XPNPEP3: variants seen among roughly 807,000 people sequenced by gnomAD.
The protein encoded by XPNPEP3 is xaa-Pro aminopeptidase 3.
In XPNPEP3, 41 loss-of-function variants were observed where a neutral mutation model predicts 60.0. The ratio of observed to expected loss-of-function variants is 0.68; its 90% CI spans 0.53 to 0.89. The LOEUF (loss-of-function observed/expected upper bound fraction) is 0.89, where lower values mean the gene tolerates loss of function less well. Ranked by LOEUF, XPNPEP3 falls within the 40% of genes least tolerant of loss-of-function variation. The probability of loss-of-function intolerance (pLI) is 0.00; values close to 1 mark genes in which losing one functional copy is unlikely to be tolerated. For missense variants in XPNPEP3, 598 were observed against 638.9 expected (o/e 0.94, Z 0.69); for synonymous variants, 212 against 223.2 (o/e 0.95, Z 0.45).
rs114929234 is a variant in XPNPEP3 at position 40,922,669 on chromosome 22, T to C, written c.1236+156T>C. The stretch of plus-strand genomic sequence containing the variant: ...AGGAGGCTGAGGCAGGAGGATTGCT[T>C]GAAGCCAGCCTGGGCAACATAGCAA... On this transcript the variant is annotated intron_variant, in intron 8 of 9. Coordinates refer to ENST00000357137, the MANE Select transcript of XPNPEP3 (RefSeq NM_022098.4). Among the ~76,000 whole-genome samples the C allele has an allele frequency of 9.0e-3, 1,362 of 151,948 alleles. 21 individuals are homozygous for C. The highest frequency in any genetic ancestry group is 0.032 in the African/African-American group (1,307 of 41,422).
chr22:40,902,119 C>T, intron 4 of XPNPEP3, among the ~76,000 whole-genome samples: 1 of 145,180 alleles, frequency 6.9e-6, no homozygotes, highest in Non-Finnish European at 1.5e-5. Flanking sequence ...GTCGCCCAGG[C>T]TGGAGTGTGG....
intron 4 of XPNPEP3, among the ~76,000 whole-genome samples, chr22:40,894,252 AAG>A (rs1393704595): frequency 1.3e-5 from 2 of 152,146 alleles, no homozygotes; most frequent in Non-Finnish European, 2.9e-5. Context: ...AGTTAAAGCA[AAG>A]AGAGAATATT....
intron 1 of XPNPEP3, among the ~76,000 whole-genome samples, chr22:40,859,025 C>G (rs1034237496): frequency 1.3e-5 from 2 of 151,986 alleles, no homozygotes; most frequent in Admixed American, 6.6e-5. Flanking sequence ...CAAAGTGTTG[C>G]GATTATAAGT....
chr22:40,916,303 A>T (rs1394544653), intron 7 of XPNPEP3, among the ~76,000 whole-genome samples: 1 of 152,082 alleles, frequency 6.6e-6, no homozygotes, highest in African/African-American at 2.4e-5. Context: ...AACAAAGGAA[A>T]AAAAAAAAGA....
At chr22:40,884,888 C>G (rs907455968) in intron 3 of XPNPEP3, among the ~76,000 whole-genome samples, 1 of 151,422 alleles carries the variant, frequency 6.6e-6, no homozygotes, top group South Asian at 2.1e-4. Context: ...ATTAGCTGGA[C>G]GTGGTGGCAT....
chr22:40,925,165 C>T (rs1455907892), intron 9 of XPNPEP3, among the ~76,000 whole-genome samples: 1 of 152,184 alleles, frequency 6.6e-6, no homozygotes, highest in Non-Finnish European at 1.5e-5. Flanking sequence ...CTGCAAGCTG[C>T]ATTGAGCTAC....
chr22:40,919,791 G>A (rs535684743), intron 7 of XPNPEP3, among the ~76,000 whole-genome samples: 1 of 152,240 alleles, frequency 6.6e-6, no homozygotes, highest in Admixed American at 6.5e-5. Context: ...GAATGAATAT[G>A]CAAATTGTGG....
chr22:40,859,392 G>T (rs2057927413), intron 1 of XPNPEP3, among the ~76,000 whole-genome samples: 1 of 152,136 alleles, frequency 6.6e-6, no homozygotes, highest in Admixed American at 6.5e-5. Context: ...TAAGAGTGAA[G>T]AAATGGACTA....
intron 4 of XPNPEP3, among the ~76,000 whole-genome samples, chr22:40,899,010 C>T (rs1225646182): frequency 2.0e-5 from 3 of 152,170 alleles, no homozygotes; most frequent in Non-Finnish European, 4.4e-5. Flanking sequence ...ACCTTTCTCA[C>T]TCAGCAATAT....
At chr22:40,920,376 A>G (rs1428604756) in intron 7 of XPNPEP3, among the ~76,000 whole-genome samples, 1 of 152,134 alleles carries the variant, frequency 6.6e-6, no homozygotes, top group Non-Finnish European at 1.5e-5. Context: ...TCTCAAAAAA[A>G]GAAAAAAAGA....
rs1228715747 is a variant in XPNPEP3 at position 40,928,746 on chromosome 22, G to C, written c.*2311G>C. Reference sequence around the variant, plus strand: ...TTCTTAAAAAAACAATTTGTATTAGGGAAGCACAAGCTAGGGGATTAACAA... The same window carrying C: ...TTCTTAAAAAAACAATTTGTATTAGCGAAGCACAAGCTAGGGGATTAACAA... On this transcript the variant is annotated 3_prime_UTR_variant, in exon 10 of 10. Transcript: ENST00000357137. The C allele has an allele frequency of 6.6e-6, 1 of 152,116 alleles. No homozygotes were observed. Among genetic ancestry groups the C allele is most frequent in the East Asian group, 1.9e-4 (1 of 5,198 alleles). The allele number at this position is 152,116 out of a possible 1,614,324, so 9.4% of individuals were successfully genotyped here. A position where few individuals can be genotyped will look rare whatever the true frequency, so the allele number is the denominator to read the frequency against.
At chr22:40,902,814 G>A (rs1260141811) in intron 4 of XPNPEP3, among the ~76,000 whole-genome samples, 2 of 152,204 alleles carry the variant, frequency 1.3e-5, no homozygotes, top group African/African-American at 4.8e-5. Flanking sequence ...TTAAAGATAT[G>A]TATCACAGCC....
chr22:40,912,780 G>T (rs2058181542), intron 6 of XPNPEP3, among the ~76,000 whole-genome samples: 1 of 152,138 alleles, frequency 6.6e-6, no homozygotes, highest in South Asian at 2.1e-4. Flanking sequence ...TGAGGCGGGA[G>T]AATCGCTGGA....
At chr22:40,896,205 A>C (rs186139306) in intron 4 of XPNPEP3, among the ~76,000 whole-genome samples, 1 of 152,102 alleles carries the variant, frequency 6.6e-6, no homozygotes, top group Non-Finnish European at 1.5e-5. Context: ...CAATTTTTGT[A>C]TCATTATTTT....
At chr22:40,894,260 AT>A (rs1218579940) in intron 4 of XPNPEP3, among the ~76,000 whole-genome samples, 2 of 152,216 alleles carry the variant, frequency 1.3e-5, no homozygotes, top group East Asian at 3.9e-4. Context: ...CAAAGAGAGA[AT>A]ATTATTCTCT....
chr22:40,863,517 G>A (rs2145769544), intron 1 of XPNPEP3, among the ~76,000 whole-genome samples: 1 of 152,212 alleles, frequency 6.6e-6, no homozygotes. Flanking sequence ...CATTTGTCAG[G>A]TCTGAATATT....
At chr22:40,893,157 ATAT>A (rs1178536103) in intron 4 of XPNPEP3, among the ~76,000 whole-genome samples, 10 of 146,496 alleles carry the variant, frequency 6.8e-5, no homozygotes, top group African/African-American at 9.9e-5. Flanking sequence ...ATATATTATA[ATAT>A]TATATCATAA....
intron 4 of XPNPEP3, among the ~76,000 whole-genome samples, chr22:40,900,859 G>A (rs751375415): frequency 4.6e-5 from 7 of 152,064 alleles, no homozygotes; most frequent in Non-Finnish European, 7.4e-5. Context: ...CCAGAGCCTG[G>A]GTGGCAGAGG....
chr22:40,894,646 A>G (rs930194763), intron 4 of XPNPEP3, among the ~76,000 whole-genome samples: 4 of 152,176 alleles, frequency 2.6e-5, no homozygotes, highest in African/African-American at 9.7e-5. Context: ...GGTATATGTC[A>G]TTGTTCAGTG....
Sources: gnomAD v4.1 joint callset for allele counts (sites outside exome capture counted in the v4.1 genomes callset) on GRCh38, gnomAD v4.1.1 for gene constraint, MANE v1.5 for transcripts, NCBI Gene and HGNC (gene_info 2026-07-23, HGNC 2026-07-21) for gene names.